Variants in PSMC6 observed in about 807,000 individuals in gnomAD.
PSMC6 encodes proteasome 26S subunit, ATPase 6.
In PSMC6, 3 loss-of-function variants were observed where a neutral mutation model predicts 55.9. That is an observed-to-expected ratio of 0.05 (90% CI 0.02 to 0.14). The LOEUF is 0.14. Ranked by LOEUF, PSMC6 falls within the 10% of genes least tolerant of loss-of-function variation. The pLI is 1.00. For missense variants in PSMC6, 210 were observed against 478.7 expected (o/e 0.44, Z 5.24); for synonymous variants, 137 against 155.9 (o/e 0.88, Z 0.90).
intron 6 of PSMC6, among the ~76,000 whole-genome samples, chr14:52,713,229 A>C (rs952768035): frequency 6.6e-6 from 1 of 152,172 alleles, no homozygotes; most frequent in Non-Finnish European, 1.5e-5. Context: ...GTCTCAAAAA[A>C]AAAGAAATTT....
intron 4 of PSMC6, chr14:52,710,130 A>C (rs1042801690): frequency 6.5e-6 from 1 of 152,932 alleles, no homozygotes; most frequent in African/African-American, 2.4e-5. Context: ...TTTTTAAACT[A>C]TTAAAAAGTA....
chr14:52,715,633 T>C (rs1017834286), intron 7 of PSMC6, among the ~76,000 whole-genome samples: 8 of 150,606 alleles, frequency 5.3e-5, no homozygotes, highest in Admixed American at 1.3e-4. Context: ...TTTTTTTTTT[T>C]GATAAGGTGT....
intron 9 of PSMC6, 117 bp downstream of exon 9, chr14:52,718,469 G>C (rs1287868875): frequency 8.6e-7 from 1 of 1,168,800 alleles, no homozygotes; most frequent in Middle Eastern, 2.1e-4. Context: ...CAATGAATCA[G>C]ATGTTAGTTT....
chr14:52,708,709 A>G (rs1253137619), intron 3 of PSMC6, 55 bp from the exon 4 acceptor site: 2 of 1,606,282 alleles, frequency 1.2e-6, no homozygotes, highest in African/African-American at 1.3e-5. Flanking sequence ...CAACGTGGGT[A>G]TGTATTTTTT....
At chr14:52,710,987 T>A in intron 4 of PSMC6, 114 bp from the exon 5 acceptor site, 4 of 848,796 alleles carry the variant, frequency 4.7e-6, no homozygotes, top group Non-Finnish European at 7.6e-6. Context: ...ATCTGATATT[T>A]GTGTTCTCTC....
Position 52,727,901 on chromosome 14 carries a change from G to A in PSMC6, c.*284G>A. ...AATATTGAAAGTGGTTTGAGATAGTGGTATAAGAAAGCATTTCTTATGACT... is the reference window on the plus strand; with the variant it reads ...AATATTGAAAGTGGTTTGAGATAGTAGTATAAGAAAGCATTTCTTATGACT... On this transcript the variant is annotated 3_prime_UTR_variant, in exon 14 of 14. Transcript: ENST00000445930. 4.0e-6 allele frequency: 1 copy of A among 247,428 alleles called. No individual in the cohort carries two copies. The highest frequency in any genetic ancestry group is 6.7e-5 in the South Asian group (1 of 14,916). The allele number at this position is 247,428 out of a possible 1,614,324, so 15.3% of individuals were successfully genotyped here. A position where few individuals can be genotyped will look rare whatever the true frequency, so the allele number is the denominator to read the frequency against.
Position 52,723,992 on chromosome 14 carries a change from A to C in PSMC6, c.1007A>C (p.Asp336Ala). 6.2e-7 allele frequency: 1 copy of C among 1,613,976 alleles called. No homozygotes were observed. The highest frequency in any genetic ancestry group is 8.5e-7 in the Non-Finnish European group (1 of 1,179,898). The change falls in exon 13 of 14, where the codon GAT (aspartate) becomes GCT (alanine). Residue 336 changes from aspartate to alanine, a missense_variant. By Grantham distance (126) the Asp-to-Ala change is moderately radical (BLOSUM62 -2). Transcript: ENST00000445930. ...IDYEAIVKLS[D>A]GFNGADLRNV... ...TATGAAGCAATTGTGAAGCTTTCGGATGGCTTTAATGGAGCAGATCTGAGA... is the reference window on the plus strand; with the variant it reads ...TATGAAGCAATTGTGAAGCTTTCGGCTGGCTTTAATGGAGCAGATCTGAGA...
intron 13 of PSMC6, among the ~76,000 whole-genome samples, chr14:52,724,330 A>G (rs1880319999): frequency 6.6e-6 from 1 of 152,190 alleles, no homozygotes; most frequent in South Asian, 2.1e-4. Flanking sequence ...AGACTAGAAC[A>G]TTGATTTACC....
chr14:52,708,685 A>G (rs2041731442), intron 3 of PSMC6, 79 bp from the exon 4 acceptor site: 5 of 1,592,042 alleles, frequency 3.1e-6, no homozygotes, highest in East Asian at 2.2e-5. Context: ...CAGAAATACA[A>G]CTAAACCCTC....
chr14:52,710,980 T>G, intron 4 of PSMC6, 121 bp from the exon 5 acceptor site: 3 of 870,924 alleles, frequency 3.4e-6, no homozygotes, highest in Admixed American at 2.1e-5. Context: ...GTTTATAATC[T>G]GATATTTGTG....
chr14:52,724,241 T>G (rs912335604), intron 13 of PSMC6, among the ~76,000 whole-genome samples: 1 of 151,882 alleles, frequency 6.6e-6, no homozygotes, highest in Non-Finnish European at 1.5e-5. Flanking sequence ...ACCATTGAGG[T>G]AGGTGCTGTA....
chr14:52,710,654 A>G (rs1476155613), intron 4 of PSMC6: 1 of 181,282 alleles, frequency 5.5e-6, no homozygotes, highest in African/African-American at 2.4e-5. Flanking sequence ...AAAAATCTCT[A>G]AGGGGAAACC....
chr14:52,720,826 G>A (rs201324842), intron 10 of PSMC6, 35 bp from the exon 11 acceptor site: 191 of 1,541,220 alleles, frequency 1.2e-4, no homozygotes, highest in Admixed American at 1.6e-4. Flanking sequence ...TTAATGGTTA[G>A]AATTTTTGTA....
At chr14:52,720,367 CAAAA>C (rs71444775) in intron 10 of PSMC6, among the ~76,000 whole-genome samples, 4,858 of 39,704 alleles carry the variant, frequency 0.12, 16 homozygotes, top group South Asian at 0.22. Context: ...AACTCTGTCT[CAAAA>C]AAAAAAAAAA....
intron 1 of PSMC6, among the ~76,000 whole-genome samples, chr14:52,707,698 C>G (rs1280692882): frequency 6.6e-6 from 1 of 152,132 alleles, no homozygotes; most frequent in Non-Finnish European, 1.5e-5. Flanking sequence ...TCGGCTTGTT[C>G]TTGGAGTCGA....
chr14:52,712,899 T>TCACGCC (rs1337146296), intron 6 of PSMC6, among the ~76,000 whole-genome samples: 1 of 152,110 alleles, frequency 6.6e-6, no homozygotes, highest in African/African-American at 2.4e-5. Flanking sequence ...TTTACAGGCG[T>TCACGCC]GAGCCACCGC....
chr14:52,716,130 A>G (rs186702670), intron 7 of PSMC6, among the ~76,000 whole-genome samples: 9 of 152,364 alleles, frequency 5.9e-5, no homozygotes, highest in Admixed American at 4.6e-4. Flanking sequence ...ATGTATTTTA[A>G]TGTAACAGAA....
At chr14:52,713,141 A>T (rs1413357221) in intron 6 of PSMC6, among the ~76,000 whole-genome samples, 1 of 152,054 alleles carries the variant, frequency 6.6e-6, no homozygotes, top group Non-Finnish European at 1.5e-5. Context: ...GAGACAGGAG[A>T]ATCTCTTGTA....
chr14:52,714,081 C>T (rs1326665827), intron 7 of PSMC6, 113 bp downstream of exon 7: 2 of 682,270 alleles, frequency 2.9e-6, no homozygotes, highest in African/African-American at 1.9e-5. Flanking sequence ...CACTCTGTTG[C>T]CCAGGCTGTA....
Sources: allele counts gnomAD v4.1 joint callset (sites outside exome capture counted in the v4.1 genomes callset), GRCh38; gene constraint gnomAD v4.1.1; transcripts MANE v1.5; gene names NCBI Gene and HGNC (gene_info 2026-07-23, HGNC 2026-07-21).